Variants in FHAD1 observed in about 807,000 individuals in gnomAD.
FHAD1 encodes forkhead-associated domain-containing protein 1.
In FHAD1, 146 loss-of-function variants were observed where a neutral mutation model predicts 191.3. That is an observed-to-expected ratio of 0.76 (90% CI 0.67 to 0.88). The LOEUF is 0.88. Ranked by LOEUF, FHAD1 falls within the 40% of genes least tolerant of loss-of-function variation. The pLI, the probability that FHAD1 is intolerant of heterozygous loss-of-function variation, is 0.00. For missense variants in FHAD1, 1,635 were observed against 1,785.8 expected (o/e 0.92, Z 1.52); for synonymous variants, 616 against 672.3 (o/e 0.92, Z 1.29).
chr1:15,355,489 T>A (rs1249665511), intron 20 of FHAD1, among the ~76,000 whole-genome samples: 2 of 152,180 alleles, frequency 1.3e-5, no homozygotes, highest in African/African-American at 4.8e-5. Context: ...ACCGGTGAAC[T>A]TTGTTCTCCT....
chr1:15,244,500 A>C (rs2100614775), upstream of FHAD1, among the ~76,000 whole-genome samples: 1 of 152,224 alleles, frequency 6.6e-6, no homozygotes, highest in South Asian at 2.1e-4. This position sits in a 1 kb window ranked among gnomAD's most constrained non-coding sequence, Gnocchi z 5.1. Flanking sequence ...GACCAAAGAC[A>C]AGCATGGAGG....
chr1:15,299,199 C>CAAAAAAAAAAAAAAAAAAAA, intron 5 of FHAD1, among the ~76,000 whole-genome samples: 1 of 46,394 alleles, frequency 2.2e-5, no homozygotes, highest in African/African-American at 8.2e-5. Flanking sequence ...GACCCTGTCT[C>CAAAAAAAAAAAAAAAAAAAA]AAAAAAAAAA....
chr1:15,305,343 G>T (rs1180208670), intron 6 of FHAD1, among the ~76,000 whole-genome samples: 4 of 152,168 alleles, frequency 2.6e-5, no homozygotes, highest in African/African-American at 9.7e-5. Flanking sequence ...TTTTGCAGAT[G>T]GCAGTCTGGC....
chr1:15,350,782 G>T (rs1173756035), intron 19 of FHAD1, among the ~76,000 whole-genome samples: 2 of 152,180 alleles, frequency 1.3e-5, no homozygotes, highest in African/African-American at 4.8e-5. Flanking sequence ...GTCCAGGTGG[G>T]GTGGGCAGTT....
rs906958911 is a variant in FHAD1 at position 15,382,148 on chromosome 1, G to C, written c.4143G>C (p.Gln1381His). Residue 1381 changes from glutamine (Q) to histidine (H), a missense_variant, in exon 31 of 34, where the codon CAG (glutamine) becomes CAC (histidine). Gln to His is a conservative substitution (Grantham distance 24). Coordinates refer to ENST00000688493, the MANE Select transcript of FHAD1 (RefSeq NM_001391957.1). ...LKEALERMEH[Q>H]LCQEKRINRA... is the part of the protein sequence containing the mutation. ...AGGCCCTGGAGCGCATGGAGCACCA[G>C]CTGTGCCAGGAGAAGAGGATCAACA... 5 of 1,551,928 alleles carry C rather than the reference G, an allele frequency of 3.2e-6. No homozygotes were observed. The African/African-American group carries it at 6.8e-5, about 21-fold the overall frequency.
intron 1 of FHAD1, among the ~76,000 whole-genome samples, chr1:15,237,518 T>A (rs12404943): frequency 0.43 from 65,674 of 151,876 alleles, 14,624 homozygotes; most frequent in East Asian, 0.66. Flanking sequence ...TGGAAGCACG[T>A]CCCTCCCTCT....
chr1:15,383,104 T>C, intron 31 of FHAD1: 1 of 471,790 alleles, frequency 2.1e-6, no homozygotes, highest in Non-Finnish European at 4.4e-6. Flanking sequence ...TTATTAACTG[T>C]GCGACCTTGT....
At chr1:15,271,294 C>T (rs893023210) in intron 2 of FHAD1, among the ~76,000 whole-genome samples, 17 of 152,178 alleles carry the variant, frequency 1.1e-4, no homozygotes, top group Non-Finnish European at 2.4e-4. Flanking sequence ...GCCTGGGTGA[C>T]GGAGCGAGAC....
At chr1:15,317,219 T>A (rs1256145722) in intron 9 of FHAD1, among the ~76,000 whole-genome samples, 1 of 152,110 alleles carries the variant, frequency 6.6e-6, no homozygotes. Flanking sequence ...TTGCCTTATG[T>A]AGAAGGTAAC....
At chr1:15,369,309 G>T in intron 25 of FHAD1, 61 bp from the exon 26 acceptor site, 1 of 1,522,222 alleles carries the variant, frequency 6.6e-7, no homozygotes, top group South Asian at 1.2e-5. Flanking sequence ...GTCTTCCAAT[G>T]AGTGTAAAAG....
intron 23 of FHAD1, among the ~76,000 whole-genome samples, 155 bp downstream of exon 23, chr1:15,362,881 T>C (rs763408968): frequency 3.3e-5 from 5 of 151,594 alleles, no homozygotes; most frequent in Non-Finnish European, 7.4e-5. Flanking sequence ...ATTTCCCCAT[T>C]CCTTCAGCCC....
intron 3 of FHAD1, among the ~76,000 whole-genome samples, chr1:15,282,931 G>A (rs1277872843): frequency 6.6e-6 from 1 of 152,216 alleles, no homozygotes; most frequent in African/African-American, 2.4e-5. Flanking sequence ...AAGAATTCAA[G>A]GGCAAACCAG....
chr1:15,370,839 C>A (rs1697868660), intron 26 of FHAD1, among the ~76,000 whole-genome samples: 1 of 152,142 alleles, frequency 6.6e-6, no homozygotes, highest in Non-Finnish European at 1.5e-5. Flanking sequence ...GAGAGCATGG[C>A]GTTCCAGTAA....
chr1:15,309,624 G>A (rs992856388), intron 7 of FHAD1, among the ~76,000 whole-genome samples: 13 of 151,906 alleles, frequency 8.6e-5, no homozygotes, highest in Non-Finnish European at 1.3e-4. Context: ...AATGAGGCTC[G>A]ACACAAATTC....
chr1:15,294,421 G>A (rs1666219268), intron 4 of FHAD1, among the ~76,000 whole-genome samples: 1 of 151,958 alleles, frequency 6.6e-6, no homozygotes, highest in African/African-American at 2.4e-5. Context: ...TGAGACAGAG[G>A]CTCACTCTGT....
chr1:15,383,466 C>G (rs1701386084), intron 31 of FHAD1: 2 of 348,666 alleles, frequency 5.7e-6, no homozygotes, highest in Middle Eastern at 1.1e-3. Context: ...GCAAGTCACA[C>G]ATGAGCAGCA....
At chr1:15,386,046 A>G (rs2103043917) in intron 31 of FHAD1, among the ~76,000 whole-genome samples, 1 of 152,342 alleles carries the variant, frequency 6.6e-6, no homozygotes, top group East Asian at 1.9e-4. Context: ...GCAGACTTGG[A>G]GTCCAACAGA....
Position 15,329,123 on chromosome 1 carries a change from G to T in FHAD1, c.1711-223G>T. The T allele has an allele frequency of 2.4e-6, 1 of 408,902 alleles. No homozygotes were observed. Among genetic ancestry groups the T allele is most frequent in the Non-Finnish European group, 4.4e-6 (1 of 227,268 alleles). 25.3% of individuals were successfully genotyped at this position (408,902 alleles called of 1,614,324 possible). A position where few individuals can be genotyped will look rare whatever the true frequency, so the allele number is the denominator to read the frequency against. The stretch of plus-strand genomic sequence containing the variant: ...GCTCTGGGGTTTCATAGACCTAAAA[G>T]GGGGTTCGCTTTGACCATCAAAAGT... On this transcript the variant is annotated intron_variant, in intron 13 of 33. Transcript: ENST00000688493. This position sits in a 1 kb window ranked among gnomAD's most constrained non-coding sequence, Gnocchi z 5.0.
rs1330815095 is a variant in FHAD1, at chr1:15,368,958, C to G, written c.3315-412C>G. The stretch of plus-strand genomic sequence containing the variant: ...AACTCCATCTAAAAAAAAAAATAGC[C>G]AGACCATCCACTTACAAGAAAGGTG... On this transcript the variant is annotated intron_variant, in intron 25 of 33. Coordinates refer to ENST00000688493, the MANE Select transcript of FHAD1 (RefSeq NM_001391957.1). Among the ~76,000 whole-genome samples, 3 of 152,120 alleles carry G rather than the reference C, an allele frequency of 2.0e-5. 1 individual carries two copies. The highest frequency in any genetic ancestry group is 4.2e-4 in the South Asian group (2 of 4,808).
Sources: allele counts gnomAD v4.1 joint callset (sites outside exome capture counted in the v4.1 genomes callset), GRCh38; gene constraint gnomAD v4.1.1; non-coding constraint Gnocchi (gnomAD v3.1); transcripts MANE v1.5; gene names NCBI Gene and HGNC (gene_info 2026-07-23, HGNC 2026-07-21).